IGDCC3: variants seen among roughly 807,000 people sequenced by gnomAD.
IGDCC3 encodes putative neuronal cell adhesion molecule.
Under a neutral mutation model 72.0 loss-of-function variants are expected in IGDCC3, and 47 were observed. The ratio of observed to expected loss-of-function variants is 0.65; its 90% confidence interval spans 0.52 to 0.83. IGDCC3 has a LOEUF of 0.83. Among genes scored for constraint, IGDCC3 ranks in the 40% least tolerant of loss-of-function variants. IGDCC3 has a pLI of 0.00. For synonymous variants in IGDCC3, 477 were observed against 472.8 expected (o/e 1.01, Z -0.11); for missense variants, 1,038 against 1,091.3 (o/e 0.95, Z 0.69).
chr15:65,349,326 A>C (rs2091153527), intron 2 of IGDCC3, among the ~76,000 whole-genome samples: 1 of 152,174 alleles, frequency 6.6e-6, no homozygotes, highest in African/African-American at 2.4e-5. Context: ...CAGTAGGGCC[A>C]CTCAGGGAAA....
At position 65,327,737 on chromosome 15, in the gene IGDCC3, C is replaced by T. The variant is rs568352142; in HGVS notation, c.*1172G>A. 2.0e-5 allele frequency: 3 copies of T among 152,756 alleles called. No homozygotes were observed. The highest frequency in any genetic ancestry group is 3.9e-4 in the East Asian group (2 of 5,182). The allele number at this position is 152,756 out of a possible 1,614,324, so 9.5% of individuals were successfully genotyped here. A position where few individuals can be genotyped will look rare whatever the true frequency, so the allele number is the denominator to read the frequency against. ...CTGCTGACAGTGGATGCTCCCCTGT[C>T]GAGGGGTGGATCAGGCTGGCTGGGT... On this transcript the variant is annotated 3_prime_UTR_variant, in exon 14 of 14. Coordinates refer to ENST00000327987, the MANE Select transcript of IGDCC3 (RefSeq NM_004884.4).
chr15:65,331,305 G>A (rs969554825), intron 8 of IGDCC3, 91 bp from the exon 9 acceptor site: 84 of 1,565,484 alleles, frequency 5.4e-5, no homozygotes, highest in Non-Finnish European at 7.1e-5. Context: ...GTGCCCGGGG[G>A]GACAGCGGGG....
rs1406558673 is a variant in IGDCC3 at position 65,331,434 on chromosome 15, G to A, written c.1374C>T (p.Val458=). 1.9e-6 allele frequency: 3 copies of A among 1,610,288 alleles called. No individual in the cohort carries two copies. The highest frequency in any genetic ancestry group is 2.2e-5 in the East Asian group (1 of 44,784). Residue 458 remains valine, a synonymous_variant, in exon 8 of 14, where the codon GTC becomes GTT. Transcript: ENST00000327987. ...LANTKEIIGY[V]LHIRKAADPP... is the part of the protein sequence containing the mutation. The stretch of plus-strand genomic sequence containing the variant: ...CACCAGCAGCCTTCCTGATGTGCAG[G>A]ACGTAGCCGATGATCTCCTTGGTGT...
chr15:65,354,819 A>G (rs1437512601), intron 2 of IGDCC3, among the ~76,000 whole-genome samples: 4 of 152,180 alleles, frequency 2.6e-5, no homozygotes, highest in African/African-American at 2.4e-5. Context: ...TTCTTCAGTG[A>G]AAAGGAAGAA....
In IGDCC3 at chr15:65,332,093, A is replaced by C. The variant is rs757254727; in HGVS notation, c.996T>G (p.Phe332Leu). 1.9e-6 allele frequency: 3 copies of C among 1,613,448 alleles called. No individual in the cohort carries two copies. Among genetic ancestry groups the C allele is most frequent in the Non-Finnish European group, 2.5e-6 (3 of 1,179,788 alleles). The change falls in exon 7 of 14, where the codon TTT becomes TTG. Residue 332 changes from phenylalanine (F) to leucine (L), a missense_variant. By Grantham distance (22) the Phe-to-Leu change is conservative. Transcript: ENST00000327987. ...GRLVVQAPAEFVQHPQSISRP... is the reference protein window; with the variant it reads ...GRLVVQAPAELVQHPQSISRP... ...TGGAGATGGACTGGGGATGCTGCAC[A>C]AACTCAGCTGGGGCTGCGAGTAGAG... is the stretch of plus-strand genomic sequence containing the variant.
chr15:65,366,970 T>G (rs965595718), intron 2 of IGDCC3, among the ~76,000 whole-genome samples: 1 of 152,098 alleles, frequency 6.6e-6, no homozygotes, highest in African/African-American at 2.4e-5. Context: ...GAGAGGTTCT[T>G]TTGTGGGGAT....
intron 2 of IGDCC3, 43 bp from the exon 3 acceptor site, chr15:65,335,999 C>A (rs1164131337): frequency 6.2e-7 from 1 of 1,607,452 alleles, no homozygotes; most frequent in Non-Finnish European, 8.5e-7. Context: ...CTGCTGAGGG[C>A]AGAAGGTAGG....
intron 2 of IGDCC3, among the ~76,000 whole-genome samples, chr15:65,366,946 G>A (rs951452266): frequency 2.6e-5 from 4 of 152,254 alleles, no homozygotes; most frequent in African/African-American, 9.6e-5. Flanking sequence ...GGGAGAGCAA[G>A]CTCAGAAATC....
chr15:65,344,266 G>C (rs1476149613), intron 2 of IGDCC3, among the ~76,000 whole-genome samples: 1 of 152,078 alleles, frequency 6.6e-6, no homozygotes, highest in African/African-American at 2.4e-5. Context: ...TGACCCATCT[G>C]GGACTTTGCC....
At chr15:65,330,887 A>G in intron 9 of IGDCC3, 146 bp from the exon 10 acceptor site, 2 of 1,083,084 alleles carry the variant, frequency 1.8e-6, no homozygotes, top group South Asian at 3.2e-5. Context: ...GCACCTTCCT[A>G]GGAATTAGAA....
chr15:65,354,122 T>C (rs1467301216), intron 2 of IGDCC3, among the ~76,000 whole-genome samples: 2 of 152,194 alleles, frequency 1.3e-5, no homozygotes, highest in Non-Finnish European at 2.9e-5. Flanking sequence ...GCCAGGCTGG[T>C]CTCGAACTCC....
At chr15:65,345,569 C>G (rs559093445) in intron 2 of IGDCC3, among the ~76,000 whole-genome samples, 1 of 151,460 alleles carries the variant, frequency 6.6e-6, no homozygotes, top group East Asian at 1.9e-4. Flanking sequence ...CACACACACA[C>G]ACACACACAC....
At chr15:65,330,126 TC>T (rs1259574671) in intron 11 of IGDCC3, among the ~76,000 whole-genome samples, 166 bp downstream of exon 11, 1 of 152,190 alleles carries the variant, frequency 6.6e-6, no homozygotes, top group Non-Finnish European at 1.5e-5. Flanking sequence ...AAAACTGGGA[TC>T]AGAGAGGTTA....
At chr15:65,353,164 C>G (rs2091184759) in intron 2 of IGDCC3, among the ~76,000 whole-genome samples, 1 of 151,358 alleles carries the variant, frequency 6.6e-6, no homozygotes, top group African/African-American at 2.4e-5. Context: ...TGTGGAGTAT[C>G]TTTGTAGGAA....
At position 65,377,049 on chromosome 15, in the gene IGDCC3, C is replaced by T. The variant is rs946478463; in HGVS notation, c.103+637G>A. On this transcript the variant is annotated intron_variant, in intron 1 of 13. Transcript: ENST00000327987. The surrounding 1 kb of genome is among the most constrained non-coding windows in gnomAD (Gnocchi z 4.9). ...AAGGGCAGGGGCACGTGAGCATCCC[C>T]GCGGCTCGCTCGCTCTCGCTTTCGG... Among the ~76,000 whole-genome samples the T allele has an allele frequency of 6.6e-6, 1 of 152,108 alleles. No individual in the cohort carries two copies. Among genetic ancestry groups the T allele is most frequent in the Non-Finnish European group, 1.5e-5 (1 of 68,020 alleles).
chr15:65,363,269 G>A (rs2091272208), intron 2 of IGDCC3, among the ~76,000 whole-genome samples: 1 of 152,174 alleles, frequency 6.6e-6, no homozygotes, highest in African/African-American at 2.4e-5. Context: ...GGCAGACAGG[G>A]TCACAAACCT....
intron 2 of IGDCC3, among the ~76,000 whole-genome samples, chr15:65,338,611 C>T (rs554328426): frequency 6.9e-4 from 105 of 152,272 alleles, no homozygotes; most frequent in Non-Finnish European, 1.3e-3. Flanking sequence ...AGGGTGTGGT[C>T]CTCTTCATCT....
rs192357310 is a variant in IGDCC3 at position 65,369,879 on chromosome 15, C to T, written c.409+5218G>A. Among the ~76,000 whole-genome samples the T allele has an allele frequency of 1.5e-4, 23 of 152,270 alleles. No homozygotes were observed. In the East Asian group the frequency reaches 4.4e-3, roughly 29 times the overall value. ...TCCTAACCCCCACTCCAACCTGGTT[C>T]CACAGACCTCCACCCAGACCCTGCC... On this transcript the variant is annotated intron_variant, in intron 2 of 13. Transcript: ENST00000327987.
chr15:65,347,705 T>C lies in IGDCC3; in HGVS notation c.410-11749A>G, dbSNP rs558376094. ...CAGCACTTTGGGAGGCCAAGACGGG[T>C]GGATCACCTGAGGTCAGGAGTTCGA... On this transcript the variant is annotated intron_variant, in intron 2 of 13. Transcript: ENST00000327987. 9.0e-4 allele frequency among the ~76,000 whole-genome samples: 137 copies of C among 151,920 alleles called. No homozygotes were observed. In the Middle Eastern group the frequency reaches 0.017, roughly 19 times the overall value.
Sources: allele counts gnomAD v4.1 joint callset (sites outside exome capture counted in the v4.1 genomes callset), GRCh38; gene constraint gnomAD v4.1.1; non-coding constraint Gnocchi (gnomAD v3.1); transcripts MANE v1.5; gene names NCBI Gene and HGNC (gene_info 2026-07-23, HGNC 2026-07-21).